Variants in SLIT1 observed in about 807,000 individuals in gnomAD.
SLIT1 encodes slit guidance ligand 1.
A neutral mutation model predicts 186.1 loss-of-function variants in SLIT1; 66 were observed. The observed-to-expected ratio is 0.35, with a 90% CI of 0.29 to 0.44. SLIT1 has a LOEUF of 0.44. Ranked by LOEUF, SLIT1 falls within the 20% of genes least tolerant of loss-of-function variation. The pLI, the probability that SLIT1 is intolerant of heterozygous loss-of-function variation, is 1.00. For missense variants in SLIT1, 1,638 were observed against 2,037.4 expected (o/e 0.80, Z 3.77); for synonymous variants, 761 against 833.8 (o/e 0.91, Z 1.50).
At chr10:97,076,445 C>G (rs1394863383) in intron 4 of SLIT1, among the ~76,000 whole-genome samples, 1 of 152,188 alleles carries the variant, frequency 6.6e-6, no homozygotes, top group Non-Finnish European at 1.5e-5. Context: ...CCGCCTTTGT[C>G]TCTGCCGGTT....
intron 4 of SLIT1, among the ~76,000 whole-genome samples, chr10:97,079,744 C>A (rs1849084635): frequency 6.6e-6 from 1 of 152,196 alleles, no homozygotes; most frequent in Non-Finnish European, 1.5e-5. Context: ...GGGCACTGTG[C>A]AGATGTGAGT....
Position 97,006,479 on chromosome 10 carries a change from G to T in SLIT1, c.3579+4C>A. ...CCTCTGTGACCAAGCCCCCTGGCAC[G>T]CACCTGCAACGTGATGTTGGCCCGT... is the stretch of plus-strand genomic sequence containing the variant. On this transcript the variant is annotated splice_donor_region_variant and intron_variant, in intron 32 of 36. Coordinates refer to ENST00000266058, the MANE Select transcript of SLIT1 (RefSeq NM_003061.3). This position sits in a 1 kb window ranked among gnomAD's most constrained non-coding sequence, Gnocchi z 4.0. The T allele has an allele frequency of 6.2e-7, 1 of 1,606,290 alleles. No individual in the cohort carries two copies. The highest frequency in any genetic ancestry group is 1.1e-5 in the South Asian group (1 of 90,780).
chr10:97,018,571 CT>C lies in SLIT1; in HGVS notation c.2969+14del. ...ATCAGCACTCACCAGGCTCCTGCCC[CT>C]CCAGGTAACTCACGTGAACGGGGCA... On this transcript the variant is annotated intron_variant, in intron 28 of 36. Coordinates refer to ENST00000266058, the MANE Select transcript of SLIT1 (RefSeq NM_003061.3). The C allele has an allele frequency of 6.5e-7, 1 of 1,532,246 alleles. No homozygotes were observed. The highest frequency in any genetic ancestry group is 8.9e-7 in the Non-Finnish European group (1 of 1,125,654). 94.9% of individuals were successfully genotyped at this position (1,532,246 alleles called of 1,614,324 possible).
rs1848648865 is a variant in SLIT1 at position 97,037,247 on chromosome 10, ACC to A, written c.2366+449_2366+450del. Among the ~76,000 whole-genome samples, 4 of 152,162 alleles carry A rather than the reference ACC, an allele frequency of 2.6e-5. No homozygotes were observed. In the South Asian group the frequency reaches 8.3e-4, roughly 32 times the overall value. On this transcript the variant is annotated intron_variant, in intron 22 of 36. Transcript: ENST00000266058. Reference sequence around the variant, plus strand: ...GTAGCTGGGATTACAGGCATGTGCCACCATGCCCGGCTAATTTTGTATTTTTA... The same window carrying A: ...GTAGCTGGGATTACAGGCATGTGCCAATGCCCGGCTAATTTTGTATTTTTA...
chr10:97,175,820 C>T (rs1427120158), intron 1 of SLIT1, among the ~76,000 whole-genome samples: 2 of 152,266 alleles, frequency 1.3e-5, no homozygotes, highest in African/African-American at 2.4e-5. Flanking sequence ...CCTCCGCCTG[C>T]ACCACCACCT....
intron 4 of SLIT1, among the ~76,000 whole-genome samples, chr10:97,112,033 C>T (rs1849469562): frequency 6.6e-6 from 1 of 152,218 alleles, no homozygotes; most frequent in Admixed American, 6.5e-5. Context: ...ACACCCGCAC[C>T]CTGACCTGAC....
chr10:97,166,608 AAAGAAAGAAAGAAAG>A, intron 1 of SLIT1, among the ~76,000 whole-genome samples: 1 of 75,656 alleles, frequency 1.3e-5, no homozygotes, highest in Non-Finnish European at 2.7e-5. Context: ...AGAAAGAAAG[AAAGAAAGAAAGAAAG>A]AGAAAAGAAA....
chr10:97,017,377 G>A (rs1401740456), intron 28 of SLIT1, among the ~76,000 whole-genome samples: 1 of 152,206 alleles, frequency 6.6e-6, no homozygotes, highest in African/African-American at 2.4e-5. Flanking sequence ...ATCATTTTCG[G>A]AAGAGCCAAT....
intron 4 of SLIT1, among the ~76,000 whole-genome samples, chr10:97,150,270 T>C (rs1849863002): frequency 6.6e-6 from 1 of 152,152 alleles, no homozygotes; most frequent in African/African-American, 2.4e-5. Flanking sequence ...CTTCTTGCCT[T>C]GGGTAATTTC....
At position 97,017,179 on chromosome 10, in the gene SLIT1, C is replaced by T. The variant is rs532181257; in HGVS notation, c.2969+1407G>A. ...GTGTCCTTTCAGCCCCCAGCTGGGG[C>T]GTCTCAGGAATGAGGAGGGCGCGCC... On this transcript the variant is annotated intron_variant, in intron 28 of 36. Coordinates refer to ENST00000266058, the MANE Select transcript of SLIT1 (RefSeq NM_003061.3). Among the ~76,000 whole-genome samples, 26 of 152,338 alleles carry T rather than the reference C, an allele frequency of 1.7e-4. No individual in the cohort carries two copies. The East Asian group carries it at 1.9e-3, about 11-fold the overall frequency.
In SLIT1 at chr10:97,014,166, G is replaced by A; in HGVS notation, c.2970-8C>T. 1.9e-6 allele frequency: 3 copies of A among 1,612,930 alleles called. No homozygotes were observed. The highest frequency in any genetic ancestry group is 1.7e-6 in the Non-Finnish European group (2 of 1,179,994). ...CCGGTGGGACAGGAGCACCTGTGCG[G>A]GGAAGGGGAGGATGGAGAGACAGCC... On this transcript the variant is annotated splice_region_variant and splice_polypyrimidine_tract_variant and intron_variant, in intron 28 of 36. Coordinates refer to ENST00000266058, the MANE Select transcript of SLIT1 (RefSeq NM_003061.3).
intron 28 of SLIT1, among the ~76,000 whole-genome samples, chr10:97,017,056 A>T (rs1039954645): frequency 6.6e-6 from 1 of 151,924 alleles, no homozygotes; most frequent in African/African-American, 2.4e-5. Flanking sequence ...TCGTGGAGGC[A>T]CCCCCTTTCC....
chr10:97,184,542 A>G lies in SLIT1; in HGVS notation c.197+936T>C, dbSNP rs1272767086. On this transcript the variant is annotated intron_variant, in intron 1 of 36. Coordinates refer to ENST00000266058, the MANE Select transcript of SLIT1 (RefSeq NM_003061.3). This position sits in a 1 kb window ranked among gnomAD's most constrained non-coding sequence, Gnocchi z 4.4. ...ACATTCTGCAGGAGAGTCACAGAAAACAAAGTATAAAGGTCTGTAAATACA... is the reference window on the plus strand; with the variant it reads ...ACATTCTGCAGGAGAGTCACAGAAAGCAAAGTATAAAGGTCTGTAAATACA... Among the ~76,000 whole-genome samples the G allele has an allele frequency of 2.0e-5, 3 of 152,178 alleles. No homozygotes were observed. The highest frequency in any genetic ancestry group is 3.9e-4 in the East Asian group (2 of 5,162).
intron 4 of SLIT1, among the ~76,000 whole-genome samples, chr10:97,124,002 C>T (rs962688586): frequency 5.3e-5 from 8 of 152,034 alleles, no homozygotes; most frequent in African/African-American, 1.7e-4. Context: ...CCTGAATAAA[C>T]AGTACTCTCT....
Position 97,004,008 on chromosome 10 carries a change from C to A in SLIT1, c.3865+60G>T. ...CCACAGTGCAGTCCCTAGGCACCAG[C>A]TCTCCTGGCTGGCCTCAGGCCAGAC... On this transcript the variant is annotated intron_variant, in intron 34 of 36. Transcript: ENST00000266058. The surrounding 1 kb of genome is among the most constrained non-coding windows in gnomAD (Gnocchi z 5.1). 6.8e-7 allele frequency: 1 copy of A among 1,460,192 alleles called. No individual in the cohort carries two copies. The highest frequency in any genetic ancestry group is 9.4e-7 in the Non-Finnish European group (1 of 1,064,218). The allele number at this position is 1,460,192 out of a possible 1,614,324, so 90.5% of individuals were successfully genotyped here.
chr10:97,021,469 C>T lies in SLIT1; in HGVS notation c.2583-56G>A. ...ACAGCTTCATGGGGTCCCTCGCCCA[C>T]TGGGAACCTAGAGTCCCAGGCACTG... On this transcript the variant is annotated intron_variant, in intron 25 of 36. Transcript: ENST00000266058. The surrounding 1 kb of genome is among the most constrained non-coding windows in gnomAD (Gnocchi z 4.5). 4 of 1,544,856 alleles carry T rather than the reference C, an allele frequency of 2.6e-6. No individual in the cohort carries two copies. The highest frequency in any genetic ancestry group is 3.5e-6 in the Non-Finnish European group (4 of 1,136,558).
intron 4 of SLIT1, 21 bp from the exon 5 acceptor site, chr10:97,066,107 G>A: frequency 6.3e-7 from 1 of 1,579,792 alleles, no homozygotes; most frequent in Non-Finnish European, 8.6e-7. Flanking sequence ...AAAGCCAGAG[G>A]GAGAGAAAAC....
chr10:97,159,508 G>C (rs1456679693), intron 3 of SLIT1, among the ~76,000 whole-genome samples: 2 of 152,102 alleles, frequency 1.3e-5, no homozygotes, highest in African/African-American at 4.8e-5. Flanking sequence ...GTTTTGTTTT[G>C]TTTTCCCCCA....
chr10:97,042,760 G>T, intron 20 of SLIT1, 141 bp downstream of exon 20: 7 of 825,806 alleles, frequency 8.5e-6, no homozygotes. Flanking sequence ...TGAAAACAGG[G>T]CCTCCCCTCC....
Sources: gnomAD v4.1 joint callset for allele counts (sites outside exome capture counted in the v4.1 genomes callset) on GRCh38, gnomAD v4.1.1 for gene constraint, Gnocchi (gnomAD v3.1) non-coding constraint, MANE v1.5 for transcripts, NCBI Gene and HGNC (gene_info 2026-07-23, HGNC 2026-07-21) for gene names.